The following PTGR2 variants were observed in gnomAD, a reference collection of about 807,000 sequenced individuals.
The protein encoded by PTGR2 is prostaglandin reductase 2, also known as 15-oxoprostaglandin 13-reductase.
PTGR2 carries 32 observed loss-of-function variants against 43.4 expected under a neutral mutation model. The observed-to-expected ratio is 0.74, with a 90% CI of 0.56 to 0.99. PTGR2 has a LOEUF of 0.99. Among genes scored for constraint, PTGR2 ranks in the 50% least tolerant of loss-of-function variants. The probability of loss-of-function intolerance (pLI) is 0.00; values close to 1 mark genes in which losing one functional copy is unlikely to be tolerated. For missense variants in PTGR2, 373 were observed against 420.0 expected, an observed-to-expected ratio of 0.89 and a Z score of 0.98; for synonymous variants, 106 against 139.2, an observed-to-expected ratio of 0.76 and a Z score of 1.68.
intron 6 of PTGR2, 69 bp downstream of exon 6, chr14:73,879,374 T>C (rs2054932758): frequency 7.3e-7 from 1 of 1,374,898 alleles, no homozygotes; most frequent in African/African-American, 1.4e-5. Flanking sequence ...TTTTACCTAA[T>C]ACTGAGAAAA....
chr14:73,852,866 C>A (rs942099511), intron 1 of PTGR2, among the ~76,000 whole-genome samples: 3 of 152,138 alleles, frequency 2.0e-5, no homozygotes. Context: ...CGCTCTGTTG[C>A]CCAGGCTGGA....
At chr14:73,852,140 A>C (rs760886441) in intron 1 of PTGR2, 197 bp downstream of exon 1, 2 of 152,158 alleles carry the variant, frequency 1.3e-5, no homozygotes, top group African/African-American at 2.4e-5. Flanking sequence ...TTTTTTTTGA[A>C]TTACTGGGGG....
Position 73,854,300 on chromosome 14 carries a change from C to T in PTGR2, c.-48+2357C>T, listed in dbSNP as rs770148436. 5.3e-4 allele frequency among the ~76,000 whole-genome samples: 81 copies of T among 152,030 alleles called. 1 individual carries two copies. The highest frequency in any genetic ancestry group is 9.3e-4 in the Non-Finnish European group (63 of 67,988). Reference sequence around the variant, plus strand: ...GTATTTTTAGTAGGGCAGAGTTTCACCATGTTGGCCAGGCTGGTCTCAAAC... The same window carrying T: ...GTATTTTTAGTAGGGCAGAGTTTCATCATGTTGGCCAGGCTGGTCTCAAAC... On this transcript the variant is annotated intron_variant, in intron 1 of 9. Coordinates refer to ENST00000555661, the MANE Select transcript of PTGR2 (RefSeq NM_001146154.2).
intron 4 of PTGR2, among the ~76,000 whole-genome samples, chr14:73,875,384 T>C (rs1595366426): frequency 6.6e-6 from 1 of 151,974 alleles, no homozygotes; most frequent in African/African-American, 2.4e-5. Flanking sequence ...CTTGCTCTGT[T>C]GCCCAGGCTG....
At position 73,856,055 on chromosome 14, in the gene PTGR2, C is replaced by CA. The variant is rs1212245680; in HGVS notation, c.-47-2751dup. Among the ~76,000 whole-genome samples the CA allele has an allele frequency of 6.7e-3, 958 of 142,636 alleles. 3 individuals are homozygous for CA. The highest frequency in any genetic ancestry group is 0.023 in the African/African-American group (909 of 38,926). The allele number at this position is 142,636 out of a possible 152,430, so 93.6% of individuals were successfully genotyped here. On this transcript the variant is annotated intron_variant, in intron 1 of 9. Transcript: ENST00000555661. ...TGGGCGACAGAGCAAGACTCTGTTT[C>CA]AAAAAAAAAAGAAAGAAATTTAGTG...
intron 7 of PTGR2, 78 bp from the exon 8 acceptor site, chr14:73,881,127 G>A: frequency 1.2e-6 from 1 of 848,262 alleles, no homozygotes; most frequent in Admixed American, 1.9e-5. Context: ...ACAGATATTA[G>A]AATTCTGGAA....
rs2054942686 is a variant in PTGR2 at position 73,879,925 on chromosome 14, A to G, written c.730-130A>G. ...GTTAAAATTCTTAAATACCTCTAAC[A>G]GGTAAATTAAAAAAAAAATCGAACT... On this transcript the variant is annotated intron_variant, in intron 6 of 9. Coordinates refer to ENST00000555661, the MANE Select transcript of PTGR2 (RefSeq NM_001146154.2). The G allele has an allele frequency of 1.3e-5, 10 of 789,256 alleles. No homozygotes were observed. The East Asian group carries it at 2.6e-4, about 21-fold the overall frequency. The allele number at this position is 789,256 out of a possible 1,614,324, so 48.9% of individuals were successfully genotyped here. A position where few individuals can be genotyped will look rare whatever the true frequency, so the allele number is the denominator to read the frequency against.
Position 73,876,483 on chromosome 14 carries a change from C to CTTTTTT in PTGR2, c.349-504_349-499dup, listed in dbSNP as rs766810794. Among the ~76,000 whole-genome samples, 18 of 108,564 alleles carry CTTTTTT rather than the reference C, an allele frequency of 1.7e-4. 1 individual carries two copies. Among genetic ancestry groups the CTTTTTT allele is most frequent in the South Asian group, 8.1e-4 (2 of 2,468 alleles). 71.2% of individuals were successfully genotyped at this position (108,564 alleles called of 152,430 possible). ...TCTTCTTCTTCTAAGGACATAAGTC[C>CTTTTTT]TTTTTTTTTTTTTTTTGAGATGAAG... On this transcript the variant is annotated intron_variant, in intron 4 of 9. Coordinates refer to ENST00000555661, the MANE Select transcript of PTGR2 (RefSeq NM_001146154.2).
chr14:73,868,442 T>A lies in PTGR2; in HGVS notation c.157-5581T>A, dbSNP rs115783984. On this transcript the variant is annotated intron_variant, in intron 3 of 9. Coordinates refer to ENST00000555661, the MANE Select transcript of PTGR2 (RefSeq NM_001146154.2). ...TTAATCTTTGTATGAATCATGTTTTTAATTTAGTGTATTTTAGGATGTTTT... is the reference window on the plus strand; with the variant it reads ...TTAATCTTTGTATGAATCATGTTTTAAATTTAGTGTATTTTAGGATGTTTT... Among the ~76,000 whole-genome samples the A allele has an allele frequency of 8.7e-3, 1,328 of 152,286 alleles. 22 individuals are homozygous for A. The highest frequency in any genetic ancestry group is 0.031 in the African/African-American group (1,288 of 41,538).
rs2054512213 is a variant in PTGR2 at position 73,862,380 on chromosome 14, T to C, written c.156+1723T>C. ...CCGCCACCACGCCCGGCTAATTTTT[T>C]GTATTTTTAGTAGAGATGGGGTTTC... is the stretch of plus-strand genomic sequence containing the variant. On this transcript the variant is annotated intron_variant, in intron 3 of 9. Coordinates refer to ENST00000555661, the MANE Select transcript of PTGR2 (RefSeq NM_001146154.2). Among the ~76,000 whole-genome samples the C allele has an allele frequency of 1.3e-5, 2 of 152,098 alleles. 1 individual carries two copies. Among genetic ancestry groups the C allele is most frequent in the African/African-American group, 4.8e-5 (2 of 41,488 alleles).
At chr14:73,879,380 G>GA in intron 6 of PTGR2, 75 bp downstream of exon 6, 2 of 1,317,888 alleles carry the variant, frequency 1.5e-6, no homozygotes, top group Non-Finnish European at 2.1e-6. Flanking sequence ...CTAATACTGA[G>GA]AAAAAAATTT....
At chr14:73,858,672 A>C (rs560364858) in intron 1 of PTGR2, 144 bp from the exon 2 acceptor site, 1 of 421,856 alleles carries the variant, frequency 2.4e-6, no homozygotes, top group South Asian at 4.6e-5. Flanking sequence ...TTTAGGAGGC[A>C]AACTCTGACA....
At chr14:73,863,467 A>G (rs2054538018) in intron 3 of PTGR2, among the ~76,000 whole-genome samples, 1 of 152,136 alleles carries the variant, frequency 6.6e-6, no homozygotes, top group African/African-American at 2.4e-5. Flanking sequence ...GGTGTGTGCC[A>G]CCATGCCCGG....
At chr14:73,877,273 TA>T in intron 5 of PTGR2, 105 bp downstream of exon 5, 3 of 1,132,882 alleles carry the variant, frequency 2.6e-6, no homozygotes, top group Non-Finnish European at 3.7e-6. Flanking sequence ...TAAAATTGGA[TA>T]AATTTTTTTT....
At chr14:73,872,382 A>G (rs185541908) in intron 3 of PTGR2, among the ~76,000 whole-genome samples, 6 of 152,322 alleles carry the variant, frequency 3.9e-5, no homozygotes, top group African/African-American at 1.4e-4. Context: ...TATGGTGTAT[A>G]TGTTGCTAGT....
intron 3 of PTGR2, among the ~76,000 whole-genome samples, chr14:73,871,203 A>G (rs545300335): frequency 6.6e-6 from 1 of 152,142 alleles, no homozygotes; most frequent in Non-Finnish European, 1.5e-5. Flanking sequence ...CAAAACCCAA[A>G]AGGACCTGAT....
chr14:73,861,563 C>T (rs1159417928), intron 3 of PTGR2: 1 of 152,112 alleles, frequency 6.6e-6, no homozygotes, highest in Non-Finnish European at 1.5e-5. Context: ...GAGTGAGACC[C>T]AGTCTCAACA....
chr14:73,879,868 G>A (rs1178985039), intron 6 of PTGR2, 187 bp from the exon 7 acceptor site: 4 of 524,574 alleles, frequency 7.6e-6, no homozygotes, highest in African/African-American at 5.7e-5. Flanking sequence ...ATTTGCCTTG[G>A]TGTTCCTTTG....
At chr14:73,858,791 G>C (rs1220210289) in intron 1 of PTGR2, 25 bp from the exon 2 acceptor site, 5 of 1,197,486 alleles carry the variant, frequency 4.2e-6, no homozygotes, top group Admixed American at 2.1e-5. Flanking sequence ...CAAATCTTGT[G>C]ATTTAAAAAT....
Sources: gnomAD v4.1 joint callset for allele counts (sites outside exome capture counted in the v4.1 genomes callset) on GRCh38, gnomAD v4.1.1 for gene constraint, MANE v1.5 for transcripts, NCBI Gene and HGNC (gene_info 2026-07-23, HGNC 2026-07-21) for gene names.